Variants in BICC1 observed in about 807,000 individuals in gnomAD.
BICC1 encodes BicC family RNA binding protein 1.
A neutral mutation model predicts 111.0 loss-of-function variants in BICC1; 43 were observed. The observed-to-expected ratio is 0.39, with a 90% CI of 0.30 to 0.50. BICC1 has a LOEUF of 0.50. Among genes scored for constraint, BICC1 ranks in the 20% least tolerant of loss-of-function variants. The probability of loss-of-function intolerance (pLI) is 0.88; values close to 1 mark genes in which losing one functional copy is unlikely to be tolerated. For missense variants in BICC1, 1,091 were observed against 1,203.2 expected, an observed-to-expected ratio of 0.91 and a Z score of 1.38; for synonymous variants, 467 against 434.4, an observed-to-expected ratio of 1.07 and a Z score of -0.93.
At chr10:58,543,075 A>G (rs1843038988) in intron 1 of BICC1, among the ~76,000 whole-genome samples, 1 of 152,180 alleles carries the variant, frequency 6.6e-6, no homozygotes, top group Non-Finnish European at 1.5e-5. Flanking sequence ...ACCCATTTGC[A>G]TTGCAGCATT....
chr10:58,798,448 C>G lies in BICC1; in HGVS notation c.1416C>G (p.Asn472Lys). ...TLSLNTSTTPNSLLNALNSSV... is the reference protein window; with the variant it reads ...TLSLNTSTTPKSLLNALNSSV... ...CTCTGAACACTTCAACAACCCCAAA[C>G]TCACTCTTGAATGCTCTTAATAGCT... The change falls in exon 11 of 21, where the codon AAC becomes AAG. Residue 472 changes from asparagine (N) to lysine (K), a missense_variant. Around this residue, in one of 3 missense-constraint regions of BICC1, gnomAD observed 843 missense variants for 900.8 expected, o/e 0.94. Coordinates refer to ENST00000373886, the MANE Select transcript of BICC1 (RefSeq NM_001080512.3). 6.2e-7 allele frequency: 1 copy of G among 1,612,972 alleles called. No individual in the cohort carries two copies. The highest frequency in any genetic ancestry group is 8.5e-7 in the Non-Finnish European group (1 of 1,179,478).
rs1016988196 is a variant in BICC1 at position 58,512,879 on chromosome 10, G to C, written c.-265G>C. ...GGGCAGCGCGGCGCGCTCATTCCGCGCGGGCGTTGCTGGCGGGGGGCGGCG... is the reference window on the plus strand; with the variant it reads ...GGGCAGCGCGGCGCGCTCATTCCGCCCGGGCGTTGCTGGCGGGGGGCGGCG... On this transcript the variant is annotated 5_prime_UTR_variant, in exon 1 of 21. Transcript: ENST00000373886. Among the ~76,000 whole-genome samples, 24 of 147,908 alleles carry C rather than the reference G, an allele frequency of 1.6e-4. 1 individual carries two copies. The highest frequency in any genetic ancestry group is 1.0e-3 in the Admixed American group (15 of 14,912).
At chr10:58,801,815 G>A (rs925850791) in intron 14 of BICC1, among the ~76,000 whole-genome samples, 3 of 152,026 alleles carry the variant, frequency 2.0e-5, no homozygotes, top group Admixed American at 6.6e-5. Context: ...ATTACCCACC[G>A]TTGTCCAGTT....
At chr10:58,718,821 C>T (rs1840844450) in intron 3 of BICC1, among the ~76,000 whole-genome samples, 1 of 150,366 alleles carries the variant, frequency 6.7e-6, no homozygotes, top group African/African-American at 2.5e-5. Flanking sequence ...TGTGTGTGTG[C>T]GTGCATGTTT....
chr10:58,600,717 G>C (rs1844997873), intron 1 of BICC1, among the ~76,000 whole-genome samples: 1 of 151,964 alleles, frequency 6.6e-6, no homozygotes, highest in African/African-American at 2.4e-5. Context: ...CTCCTTCTCA[G>C]CCTGCTCAGT....
At chr10:58,783,370 C>T (rs1382171357) in intron 3 of BICC1, among the ~76,000 whole-genome samples, 1 of 152,084 alleles carries the variant, frequency 6.6e-6, no homozygotes, top group Non-Finnish European at 1.5e-5. Flanking sequence ...CGTTTCCTCC[C>T]TTCTTTCCTT....
chr10:58,615,998 C>T (rs1845591082), intron 1 of BICC1, among the ~76,000 whole-genome samples: 1 of 152,146 alleles, frequency 6.6e-6, no homozygotes, highest in Admixed American at 6.5e-5. Context: ...AGTAAGGGCC[C>T]TCCAGGTGCA....
chr10:58,540,667 G>A (rs1041667270), intron 1 of BICC1, among the ~76,000 whole-genome samples: 1 of 151,966 alleles, frequency 6.6e-6, no homozygotes, highest in Non-Finnish European at 1.5e-5. Flanking sequence ...ACTGGAGAAT[G>A]CTTCTAAACA....
intron 3 of BICC1, among the ~76,000 whole-genome samples, chr10:58,725,802 G>A (rs1841086635): frequency 6.6e-6 from 1 of 152,190 alleles, no homozygotes; most frequent in South Asian, 2.1e-4. Context: ...CCCAGAGGCT[G>A]ATGGTTTTCT....
chr10:58,594,877 A>G (rs1256009370), intron 1 of BICC1, among the ~76,000 whole-genome samples: 3 of 152,200 alleles, frequency 2.0e-5, no homozygotes, highest in Non-Finnish European at 4.4e-5. Flanking sequence ...ACATAACAAT[A>G]TTAACCTAAA....
intron 20 of BICC1, among the ~76,000 whole-genome samples, chr10:58,824,415 T>C (rs111517724): frequency 5.3e-4 from 80 of 152,336 alleles, no homozygotes; most frequent in African/African-American, 1.7e-3. Flanking sequence ...CTAAGACCTA[T>C]ATATGAACAA....
At chr10:58,688,991 C>G (rs1040896422) in intron 2 of BICC1, among the ~76,000 whole-genome samples, 1 of 152,126 alleles carries the variant, frequency 6.6e-6, no homozygotes, top group African/African-American at 2.4e-5. Context: ...AACAAACCTG[C>G]ACATTCTGCA....
chr10:58,823,794 G>C, intron 20 of BICC1: 1 of 985,222 alleles, frequency 1.0e-6, no homozygotes, highest in African/African-American at 1.7e-5. Context: ...TTTCCAGGCT[G>C]TGTACTTAAG....
Position 58,828,918 on chromosome 10 carries a change from GACTA to G in BICC1, c.*31_*34del. 2 of 1,612,684 alleles carry G rather than the reference GACTA, an allele frequency of 1.2e-6. No homozygotes were observed. Among genetic ancestry groups the G allele is most frequent in the East Asian group, 2.2e-5 (1 of 44,828 alleles). ...AGCACCCTCTTGGCACATGCCCGCTGACTAACTGTAAAGTGGACACAGGAGATGT... is the reference window on the plus strand; with the variant it reads ...AGCACCCTCTTGGCACATGCCCGCTGACTGTAAAGTGGACACAGGAGATGT... On this transcript the variant is annotated 3_prime_UTR_variant, in exon 21 of 21. Coordinates refer to ENST00000373886, the MANE Select transcript of BICC1 (RefSeq NM_001080512.3).
intron 3 of BICC1, among the ~76,000 whole-genome samples, chr10:58,769,376 A>ATGTG (rs71006205): frequency 4.1e-4 from 30 of 73,342 alleles, no homozygotes; most frequent in African/African-American, 8.6e-4. Context: ...TTTATAATGT[A>ATGTG]TGTGTGTGTG....
chr10:58,742,472 C>G (rs549748597), intron 3 of BICC1, among the ~76,000 whole-genome samples: 79 of 126,210 alleles, frequency 6.3e-4, no homozygotes, highest in African/African-American at 2.0e-3. Context: ...GAATCTCACT[C>G]TGTTGCCCAG....
chr10:58,513,445 G>C (rs1842152482), intron 1 of BICC1, 112 bp downstream of exon 1: 2 of 1,056,922 alleles, frequency 1.9e-6, no homozygotes. Flanking sequence ...GGCCGGTTTA[G>C]CTCCAGGCCC....
chr10:58,597,654 A>G (rs534080529), intron 1 of BICC1, among the ~76,000 whole-genome samples: 36 of 152,114 alleles, frequency 2.4e-4, no homozygotes, highest in African/African-American at 8.2e-4. Context: ...ACCACATAAG[A>G]CAGACATTCC....
chr10:58,718,575 T>TTACCTA (rs1287406341), intron 3 of BICC1, among the ~76,000 whole-genome samples: 1 of 152,178 alleles, frequency 6.6e-6, no homozygotes, highest in Admixed American at 6.5e-5. Flanking sequence ...TTACAAGTAA[T>TTACCTA]TGATGGATAA....
Sources: gnomAD v4.1 joint callset for allele counts (sites outside exome capture counted in the v4.1 genomes callset) on GRCh38, gnomAD v4.1.1 for gene constraint, gnomAD v4.1.1 regional missense constraint, MANE v1.5 for transcripts, NCBI Gene and HGNC (gene_info 2026-07-23, HGNC 2026-07-21) for gene names.